Variants in PTPRG observed in about 807,000 individuals in gnomAD.
PTPRG encodes the protein receptor-type tyrosine-protein phosphatase gamma.
PTPRG carries 102 observed loss-of-function variants against 165.3 expected under a neutral mutation model. The ratio of observed to expected loss-of-function variants is 0.62; its 90% CI spans 0.53 to 0.73. The LOEUF (loss-of-function observed/expected upper bound fraction) is 0.73, where lower values mean the gene tolerates loss of function less well. PTPRG is among the 30% of genes least tolerant of loss of function. The pLI, the probability that PTPRG is intolerant of heterozygous loss-of-function variation, is 0.00. For missense variants in PTPRG, 1,866 were observed against 1,861.4 expected (o/e 1.00, Z -0.05); for synonymous variants, 675 against 669.5 (o/e 1.01, Z -0.13).
chr3:61,807,159 A>C (rs1218930841), intron 2 of PTPRG, among the ~76,000 whole-genome samples: 9 of 152,160 alleles, frequency 5.9e-5, no homozygotes, highest in South Asian at 4.1e-4. Context: ...CTAATTTCTG[A>C]GACGACTTGT....
At chr3:62,146,133 A>G (rs555650578) in intron 6 of PTPRG, among the ~76,000 whole-genome samples, 1 of 152,370 alleles carries the variant, frequency 6.6e-6, no homozygotes, top group South Asian at 2.1e-4. Context: ...ATGACTCTAT[A>G]TAATTTAAAT....
chr3:61,617,967 C>A (rs1400047645), intron 1 of PTPRG, among the ~76,000 whole-genome samples: 2 of 152,160 alleles, frequency 1.3e-5, no homozygotes, highest in Non-Finnish European at 2.9e-5. Context: ...GAATTGAAAT[C>A]TAAAAATTTC....
At chr3:61,967,606 A>C (rs2040299730) in intron 2 of PTPRG, among the ~76,000 whole-genome samples, 2 of 152,210 alleles carry the variant, frequency 1.3e-5, no homozygotes, top group South Asian at 4.1e-4. Context: ...AAAAGGGCTA[A>C]TGGCATAATA....
At position 61,994,677 on chromosome 3, in the gene PTPRG, A is replaced by G. The variant is rs577743085; in HGVS notation, c.370+4873A>G. ...CTTAGAAGTTTTTAGTAGAGTAGCA[A>G]CTTAAGAGCACACAGAGGCAAGCTA... On this transcript the variant is annotated intron_variant, in intron 3 of 29. Coordinates refer to ENST00000474889, the MANE Select transcript of PTPRG (RefSeq NM_002841.4). 7.2e-5 allele frequency among the ~76,000 whole-genome samples: 11 copies of G among 152,346 alleles called. 1 individual carries two copies. The South Asian group carries it at 2.3e-3, about 32-fold the overall frequency.
rs1484469223 is a variant in PTPRG at position 62,290,961 on chromosome 3, T to C, written c.4056-1460T>C. Among the ~76,000 whole-genome samples, 4 of 151,986 alleles carry C rather than the reference T, an allele frequency of 2.6e-5. No homozygotes were observed. In the East Asian group the frequency reaches 7.7e-4, roughly 29 times the overall value. On this transcript the variant is annotated intron_variant, in intron 28 of 29. Coordinates refer to ENST00000474889, the MANE Select transcript of PTPRG (RefSeq NM_002841.4). ...CGTATAACAAAATGACCACAAACAA[T>C]GTTAAGAGAAACAGATCGGGGGGCA...
chr3:61,896,627 C>T (rs1559675782), intron 2 of PTPRG, among the ~76,000 whole-genome samples: 1 of 152,192 alleles, frequency 6.6e-6, no homozygotes. Flanking sequence ...GAGAAATTGG[C>T]AAATGGTTTT....
intron 2 of PTPRG, among the ~76,000 whole-genome samples, chr3:61,908,478 G>T (rs2038716197): frequency 6.6e-6 from 1 of 151,834 alleles, no homozygotes. Context: ...ATATATATTG[G>T]GAGGTCATTG....
chr3:62,232,676 G>C (rs192651216), intron 14 of PTPRG, among the ~76,000 whole-genome samples: 1 of 152,124 alleles, frequency 6.6e-6, no homozygotes, highest in African/African-American at 2.4e-5. Context: ...CGACCCCCAC[G>C]TCAGTGGGCC....
At chr3:61,959,436 G>T (rs2040101951) in intron 2 of PTPRG, among the ~76,000 whole-genome samples, 1 of 152,170 alleles carries the variant, frequency 6.6e-6, no homozygotes, top group African/African-American at 2.4e-5. Flanking sequence ...AGATCATCAG[G>T]CACGTGCAAC....
intron 7 of PTPRG, among the ~76,000 whole-genome samples, chr3:62,161,576 G>A (rs181791090): frequency 2.7e-4 from 41 of 152,298 alleles, no homozygotes; most frequent in Admixed American, 7.2e-4. Context: ...GTGAATGAAG[G>A]AGGTTTTTTA....
intron 1 of PTPRG, among the ~76,000 whole-genome samples, chr3:61,624,337 T>C (rs1210949943): frequency 6.6e-6 from 1 of 152,186 alleles, no homozygotes; most frequent in African/African-American, 2.4e-5. Context: ...ACTAAAAAAC[T>C]ACATTTCCCA....
intron 16 of PTPRG, chr3:62,261,048 T>C (rs1025729008): frequency 1.3e-5 from 2 of 152,112 alleles, no homozygotes; most frequent in Non-Finnish European, 2.9e-5. Context: ...AATTGCATTA[T>C]ATTAGAAAAG....
intron 1 of PTPRG, among the ~76,000 whole-genome samples, chr3:61,718,683 C>T (rs1211878356): frequency 6.6e-6 from 1 of 152,136 alleles, no homozygotes; most frequent in Non-Finnish European, 1.5e-5. Context: ...TTTTTTAAAG[C>T]AATTAGAAAC....
chr3:62,076,572 G>C (rs1255857183), intron 4 of PTPRG, among the ~76,000 whole-genome samples: 1 of 148,594 alleles, frequency 6.7e-6, no homozygotes, highest in Non-Finnish European at 1.5e-5. Flanking sequence ...GTTCATTTTT[G>C]TTCTCTACAT....
At chr3:61,777,390 T>A (rs867442210) in intron 2 of PTPRG, among the ~76,000 whole-genome samples, 1 of 152,136 alleles carries the variant, frequency 6.6e-6, no homozygotes, top group African/African-American at 2.4e-5. Flanking sequence ...GGCAGAGAAA[T>A]AAGCTTTCAA....
intron 2 of PTPRG, among the ~76,000 whole-genome samples, chr3:61,814,470 T>C (rs2035695659): frequency 6.6e-6 from 1 of 152,104 alleles, no homozygotes. Flanking sequence ...CTTGCTTTGT[T>C]GATATCTGAC....
At chr3:61,802,308 G>A (rs914007289) in intron 2 of PTPRG, among the ~76,000 whole-genome samples, 4 of 152,088 alleles carry the variant, frequency 2.6e-5, no homozygotes, top group South Asian at 2.1e-4. Flanking sequence ...CCACTGAGAC[G>A]AGAACCAGCA....
chr3:61,789,903 T>A (rs1376556929), intron 2 of PTPRG, among the ~76,000 whole-genome samples: 1 of 152,230 alleles, frequency 6.6e-6, no homozygotes, highest in Admixed American at 6.5e-5. Context: ...ATTTTGTGCA[T>A]GGAGTGAATT....
intron 6 of PTPRG, among the ~76,000 whole-genome samples, chr3:62,149,919 C>T (rs972246672): frequency 6.6e-6 from 1 of 152,190 alleles, no homozygotes; most frequent in Non-Finnish European, 1.5e-5. Flanking sequence ...TGTTTTCCCT[C>T]CTGCTTACTT....
Sources: allele counts gnomAD v4.1 joint callset (sites outside exome capture counted in the v4.1 genomes callset), GRCh38; gene constraint gnomAD v4.1.1; transcripts MANE v1.5; gene names NCBI Gene and HGNC (gene_info 2026-07-23, HGNC 2026-07-21).